CNIH4: variants seen among roughly 807,000 people sequenced by gnomAD.
CNIH4 encodes protein cornichon homolog 4.
CNIH4 carries 9 observed loss-of-function variants against 21.5 expected under a neutral mutation model. The observed-to-expected ratio is 0.42, with a 90% CI of 0.25 to 0.73. The LOEUF (loss-of-function observed/expected upper bound fraction) is 0.73. CNIH4 is among the 30% of genes least tolerant of loss of function. CNIH4 has a pLI of 0.27. For missense variants in CNIH4, 159 were observed against 170.0 expected (o/e 0.94, Z 0.36); for synonymous variants, 67 against 59.1 (o/e 1.13, Z -0.61).
intron 4 of CNIH4, 88 bp downstream of exon 4, chr1:224,371,511 A>G (rs565804589): frequency 1.5e-6 from 2 of 1,300,710 alleles, no homozygotes; most frequent in South Asian, 1.4e-5. Context: ...TTGCATTGAC[A>G]TTGTGGAACT....
At position 224,358,849 on chromosome 1, in the gene CNIH4, T is replaced by A. The variant is rs189347526; in HGVS notation, c.70-1646T>A. ...GACTTAGACATTACATTAAAATACA[T>A]TCGGGGGGTGTTTTGATGAAATTCA... On this transcript the variant is annotated intron_variant, in intron 1 of 4. Transcript: ENST00000465271. Among the ~76,000 whole-genome samples, 666 of 152,336 alleles carry A rather than the reference T, an allele frequency of 4.4e-3. 21 individuals are homozygous for A. The highest frequency in any genetic ancestry group is 0.039 in the Admixed American group (601 of 15,298).
chr1:224,371,637 C>G (rs1034712351), intron 4 of CNIH4, among the ~76,000 whole-genome samples: 1 of 152,150 alleles, frequency 6.6e-6, no homozygotes, highest in African/African-American at 2.4e-5. Context: ...TATGCCTTAG[C>G]TTTGAGGCTA....
intron 4 of CNIH4, among the ~76,000 whole-genome samples, chr1:224,373,641 C>T (rs1249563072): frequency 6.6e-6 from 1 of 151,468 alleles, no homozygotes; most frequent in African/African-American, 2.4e-5. Context: ...CAGCCTGGCC[C>T]AAATGGTGAA....
intron 3 of CNIH4, among the ~76,000 whole-genome samples, chr1:224,366,407 A>G (rs927270080): frequency 4.6e-5 from 7 of 151,812 alleles, no homozygotes; most frequent in Admixed American, 4.6e-4. Flanking sequence ...GCTGGAGTAC[A>G]GTGGCTTGAT....
chr1:224,365,108 C>A (rs1449720096), intron 2 of CNIH4, among the ~76,000 whole-genome samples: 1 of 152,166 alleles, frequency 6.6e-6, no homozygotes, highest in Non-Finnish European at 1.5e-5. Flanking sequence ...TTTACCTAAC[C>A]ACTCTGAGTT....
chr1:224,372,613 C>T (rs903549858), intron 4 of CNIH4, among the ~76,000 whole-genome samples: 3 of 151,856 alleles, frequency 2.0e-5, no homozygotes, highest in Admixed American at 1.3e-4. Context: ...GACAGAGTCT[C>T]GCTCTGTCAC....
intron 4 of CNIH4, among the ~76,000 whole-genome samples, chr1:224,373,025 TTAGA>T (rs1448999928): frequency 3.5e-4 from 54 of 152,270 alleles, no homozygotes; most frequent in Admixed American, 3.1e-3. Context: ...AAATTGGAGT[TTAGA>T]TAGTTTTCTT....
chr1:224,367,658 C>T (rs1185207088), intron 3 of CNIH4, among the ~76,000 whole-genome samples: 1 of 152,136 alleles, frequency 6.6e-6, no homozygotes, highest in Non-Finnish European at 1.5e-5. Context: ...CCTCAGCCTC[C>T]TGGGCAGTTG....
intron 1 of CNIH4, chr1:224,357,301 C>A (rs377524023): frequency 3.4e-6 from 1 of 289,962 alleles, no homozygotes; most frequent in Non-Finnish European, 6.3e-6. Context: ...GCTCTCCGCT[C>A]GTCCCCGCGG....
chr1:224,362,283 C>T (rs547864295), intron 2 of CNIH4, among the ~76,000 whole-genome samples: 18 of 151,528 alleles, frequency 1.2e-4, no homozygotes, highest in African/African-American at 3.4e-4. Flanking sequence ...GGGGTTTCAC[C>T]GTGTTAGCCA....
At chr1:224,360,443 A>C (rs562505941) in intron 1 of CNIH4, 52 bp from the exon 2 acceptor site, 7 of 930,838 alleles carry the variant, frequency 7.5e-6, no homozygotes, top group Non-Finnish European at 9.4e-6. Context: ...CTGAAACTTA[A>C]ATACTTAGTT....
At chr1:224,357,705 A>G (rs1031940736) in intron 1 of CNIH4, 3 of 152,140 alleles carry the variant, frequency 2.0e-5, no homozygotes, top group African/African-American at 7.2e-5. Flanking sequence ...TTCAATAACT[A>G]CATCTGCTGT....
intron 4 of CNIH4, among the ~76,000 whole-genome samples, chr1:224,374,845 A>G (rs1572136143): frequency 6.6e-6 from 1 of 152,346 alleles, no homozygotes; most frequent in South Asian, 2.1e-4. Context: ...ACTCTCAAAA[A>G]TCTTTAAAAA....
At chr1:224,361,074 AGTAGCTG>A (rs749648323) in intron 2 of CNIH4, among the ~76,000 whole-genome samples, 8 of 150,252 alleles carry the variant, frequency 5.3e-5, no homozygotes, top group Non-Finnish European at 8.9e-5. Context: ...CGGCCTTCTG[AGTAGCTG>A]GGACTACAGG....
At chr1:224,370,409 G>A (rs964494379) in intron 3 of CNIH4, among the ~76,000 whole-genome samples, 1 of 152,222 alleles carries the variant, frequency 6.6e-6, no homozygotes, top group African/African-American at 2.4e-5. Flanking sequence ...GAAGCTGTGT[G>A]ACAACTAAGG....
chr1:224,378,031 A>G lies in CNIH4; in HGVS notation c.*2209A>G, dbSNP rs555212248. 1.3e-5 allele frequency: 2 copies of G among 152,252 alleles called. No individual in the cohort carries two copies. The highest frequency in any genetic ancestry group is 6.5e-5 in the Admixed American group (1 of 15,294). 9.4% of individuals were successfully genotyped at this position (152,252 alleles called of 1,614,324 possible). On this transcript the variant is annotated 3_prime_UTR_variant, in exon 5 of 5. Coordinates refer to ENST00000465271, the MANE Select transcript of CNIH4 (RefSeq NM_014184.4). ...ATTGCTTGTCTATCAAAGCCAGGAA[A>G]GTGGGGGATCACTGTAGTTAAATTT...
intron 2 of CNIH4, among the ~76,000 whole-genome samples, chr1:224,365,638 G>A (rs1672430001): frequency 6.6e-6 from 1 of 152,142 alleles, no homozygotes; most frequent in Non-Finnish European, 1.5e-5. Flanking sequence ...ATGAACCTAA[G>A]CCTTTGCTTA....
chr1:224,371,144 T>C, intron 3 of CNIH4, 139 bp from the exon 4 acceptor site: 1 of 831,416 alleles, frequency 1.2e-6, no homozygotes. Context: ...GCCAAAGTGC[T>C]GGGATTACCG....
At chr1:224,369,925 C>T (rs990740124) in intron 3 of CNIH4, among the ~76,000 whole-genome samples, 3 of 152,054 alleles carry the variant, frequency 2.0e-5, no homozygotes, top group Non-Finnish European at 2.9e-5. Context: ...CCTCCCGCCT[C>T]GGCCTCCTGG....
Sources: gnomAD v4.1 joint callset for allele counts (sites outside exome capture counted in the v4.1 genomes callset) on GRCh38, gnomAD v4.1.1 for gene constraint, MANE v1.5 for transcripts, NCBI Gene and HGNC (gene_info 2026-07-23, HGNC 2026-07-21) for gene names.